Variants in NUDT3 observed in about 807,000 individuals in gnomAD.
NUDT3 encodes the protein nudix hydrolase 3, also known as diphosphoinositol polyphosphate phosphohydrolase 1.
NUDT3 carries 9 observed loss-of-function variants against 23.6 expected under a neutral mutation model. The observed-to-expected ratio is 0.38, with a 90% CI of 0.23 to 0.66. NUDT3 has a LOEUF of 0.66. NUDT3 is among the 30% of genes least tolerant of loss of function. The pLI, the probability that NUDT3 is intolerant of heterozygous loss-of-function variation, is 0.52. For synonymous variants in NUDT3, 86 were observed against 82.6 expected (o/e 1.04, Z -0.22); for missense variants, 172 against 218.5 (o/e 0.79, Z 1.34).
intron 2 of NUDT3, among the ~76,000 whole-genome samples, chr6:34,321,175 C>T (rs909132068): frequency 2.0e-5 from 3 of 152,020 alleles, no homozygotes; most frequent in South Asian, 4.1e-4. Context: ...CGGTGGCTCA[C>T]GCATGTGAAC....
chr6:34,385,243 G>C (rs1162744830), intron 1 of NUDT3, among the ~76,000 whole-genome samples: 1 of 152,062 alleles, frequency 6.6e-6, no homozygotes, highest in Non-Finnish European at 1.5e-5. Context: ...GATCACTTGA[G>C]CCAGGAGTTC....
intron 1 of NUDT3, among the ~76,000 whole-genome samples, chr6:34,350,265 C>G (rs1764446666): frequency 6.6e-6 from 1 of 150,676 alleles, no homozygotes; most frequent in African/African-American, 2.5e-5. Flanking sequence ...CCCTTGACAT[C>G]TGACAAGCCC....
chr6:34,358,734 G>A (rs528374277), intron 1 of NUDT3, among the ~76,000 whole-genome samples: 1 of 152,232 alleles, frequency 6.6e-6, no homozygotes, highest in African/African-American at 2.4e-5. Context: ...CTGGGCAGAG[G>A]AGCAATAACC....
At chr6:34,357,068 C>T (rs572684946) in intron 1 of NUDT3, among the ~76,000 whole-genome samples, 7 of 152,188 alleles carry the variant, frequency 4.6e-5, no homozygotes, top group East Asian at 3.9e-4. Flanking sequence ...TGAACCACCA[C>T]GCCCGGCCAA....
At position 34,296,935 on chromosome 6, in the gene NUDT3, CT is replaced by C. The variant is rs566118949; in HGVS notation, c.211-1251del. On this transcript the variant is annotated intron_variant, in intron 2 of 4. Coordinates refer to ENST00000607016, the MANE Select transcript of NUDT3 (RefSeq NM_006703.4). ...AGAGGGATAACTTCAGTGGTTAGAC[CT>C]TTTTTTTTTTTTTTTGAGACAGTCT... is the stretch of plus-strand genomic sequence containing the variant. Among the ~76,000 whole-genome samples, 422 of 134,590 alleles carry C rather than the reference CT, an allele frequency of 3.1e-3. 1 individual carries two copies. The highest frequency in any genetic ancestry group is 4.2e-3 in the African/African-American group (154 of 36,428). The allele number at this position is 134,590 out of a possible 152,430, so 88.3% of individuals were successfully genotyped here.
At chr6:34,322,736 T>C (rs979526193) in intron 2 of NUDT3, among the ~76,000 whole-genome samples, 5 of 152,228 alleles carry the variant, frequency 3.3e-5, no homozygotes, top group African/African-American at 1.2e-4. Flanking sequence ...GATAATATCA[T>C]GGAATTATTA....
chr6:34,327,028 G>T (rs978870176), intron 2 of NUDT3, among the ~76,000 whole-genome samples: 8 of 151,620 alleles, frequency 5.3e-5, no homozygotes, highest in African/African-American at 4.9e-5. Flanking sequence ...ACCAAGACGC[G>T]GAGACCGGTA....
intron 1 of NUDT3, among the ~76,000 whole-genome samples, chr6:34,370,145 C>T (rs900544014): frequency 5.9e-5 from 9 of 152,190 alleles, no homozygotes; most frequent in African/African-American, 2.2e-4. Context: ...TGACCATTTG[C>T]ACCTGCCCTA....
At chr6:34,336,666 CCT>C (rs1301363570) in intron 2 of NUDT3, among the ~76,000 whole-genome samples, 1 of 151,946 alleles carries the variant, frequency 6.6e-6, no homozygotes, top group Non-Finnish European at 1.5e-5. Context: ...AGTGCTTCCC[CCT>C]GTGTTTACTT....
At position 34,388,855 on chromosome 6, in the gene NUDT3, C is replaced by T. The variant is rs577268217; in HGVS notation, c.99+3409G>A. On this transcript the variant is annotated intron_variant, in intron 1 of 4. Transcript: ENST00000607016. ...TTCTTCCCAGGCTTTAGCTGTAACA[C>T]CCACTGAATCTGTAATTTAAAGCTT... 2.0e-4 allele frequency among the ~76,000 whole-genome samples: 30 copies of T among 152,280 alleles called. No homozygotes were observed. The South Asian group carries it at 6.2e-3, about 32-fold the overall frequency.
chr6:34,309,853 A>G (rs753862944), intron 2 of NUDT3, among the ~76,000 whole-genome samples: 40 of 152,170 alleles, frequency 2.6e-4, no homozygotes, highest in Admixed American at 7.2e-4. Context: ...TGAAATGACC[A>G]ATTCCTGGAA....
intron 2 of NUDT3, among the ~76,000 whole-genome samples, chr6:34,315,200 G>A (rs1377582602): frequency 2.0e-5 from 3 of 152,258 alleles, no homozygotes; most frequent in East Asian, 1.9e-4. Context: ...AAGAAAAACT[G>A]GTTTTGAATT....
chr6:34,305,828 T>C (rs1763671128), intron 2 of NUDT3, among the ~76,000 whole-genome samples: 1 of 152,230 alleles, frequency 6.6e-6, no homozygotes, highest in Admixed American at 6.5e-5. Context: ...TTCTCTCTCT[T>C]TCAAGCTGGC....
At chr6:34,380,128 G>A (rs1764989149) in intron 1 of NUDT3, among the ~76,000 whole-genome samples, 1 of 151,994 alleles carries the variant, frequency 6.6e-6, no homozygotes, top group Admixed American at 6.6e-5. Context: ...TTGTTGCCCA[G>A]ACTGGAGTGC....
intron 1 of NUDT3, among the ~76,000 whole-genome samples, chr6:34,356,489 T>C (rs762007022): frequency 2.0e-5 from 3 of 152,018 alleles, no homozygotes; most frequent in Non-Finnish European, 4.4e-5. Context: ...CAAAACCCAC[T>C]AGGACTGTAT....
chr6:34,296,869 CAG>C (rs1763508353), intron 2 of NUDT3, among the ~76,000 whole-genome samples: 1 of 150,976 alleles, frequency 6.6e-6, no homozygotes, highest in Non-Finnish European at 1.5e-5. Context: ...AGTATCATGA[CAG>C]AAATACACAG....
At chr6:34,349,866 G>A (rs1393752344) in intron 1 of NUDT3, among the ~76,000 whole-genome samples, 3 of 150,484 alleles carry the variant, frequency 2.0e-5, no homozygotes, top group South Asian at 2.1e-4. Flanking sequence ...TGAGGCGGGC[G>A]GATCACAAGG....
rs553276070 is a variant in NUDT3 at position 34,358,616 on chromosome 6, A to G, written c.100-16644T>C. ...AAATTATTTTTTAAAGTAAAAAAGA[A>G]ATTTTTACTTTATACCAACAGATTG... On this transcript the variant is annotated intron_variant, in intron 1 of 4. Coordinates refer to ENST00000607016, the MANE Select transcript of NUDT3 (RefSeq NM_006703.4). Among the ~76,000 whole-genome samples, 208 of 152,248 alleles carry G rather than the reference A, an allele frequency of 1.4e-3. 1 individual carries two copies. Among genetic ancestry groups the G allele is most frequent in the Non-Finnish European group, 2.6e-3 (174 of 68,014 alleles).
At chr6:34,379,127 T>C (rs747145759) in intron 1 of NUDT3, among the ~76,000 whole-genome samples, 1 of 152,256 alleles carries the variant, frequency 6.6e-6, no homozygotes, top group Non-Finnish European at 1.5e-5. Context: ...ATGATCTGTA[T>C]AGACTCATGG....
Sources: gnomAD v4.1 joint callset for allele counts (sites outside exome capture counted in the v4.1 genomes callset) on GRCh38, gnomAD v4.1.1 for gene constraint, MANE v1.5 for transcripts, NCBI Gene and HGNC (gene_info 2026-07-23, HGNC 2026-07-21) for gene names.